The following ACAP2 variants were observed in gnomAD, a reference collection of about 807,000 sequenced individuals.
The protein encoded by ACAP2 is ArfGAP with coiled-coil, ankyrin repeat and PH domains 2.
ACAP2 carries 39 observed loss-of-function variants against 115.8 expected under a neutral mutation model. That is an observed-to-expected ratio of 0.34 (90% CI 0.26 to 0.44). The LOEUF (loss-of-function observed/expected upper bound fraction) is 0.44. Among genes scored for constraint, ACAP2 ranks in the 20% least tolerant of loss-of-function variants. The pLI is 1.00. For synonymous variants in ACAP2, 289 were observed against 315.8 expected (o/e 0.92, Z 0.90); for missense variants, 662 against 927.6 (o/e 0.71, Z 3.72).
intron 1 of ACAP2, 67 bp downstream of exon 1, chr3:195,442,728 C>G: frequency 1.3e-6 from 2 of 1,492,920 alleles, no homozygotes; most frequent in Non-Finnish European, 1.8e-6. Flanking sequence ...GTGCGCGGGC[C>G]CGGCTTTCAC....
At position 195,276,189 on chromosome 3, in the gene ACAP2, T is replaced by C. The variant is rs1461612322; in HGVS notation, c.*3139A>G. The C allele has an allele frequency of 2.0e-5, 3 of 152,672 alleles. No homozygotes were observed. Among genetic ancestry groups the C allele is most frequent in the Non-Finnish European group, 2.9e-5 (2 of 68,026 alleles). The allele number at this position is 152,672 out of a possible 1,614,324, so 9.5% of individuals were successfully genotyped here. A position where few individuals can be genotyped will look rare whatever the true frequency, so the allele number is the denominator to read the frequency against. On this transcript the variant is annotated 3_prime_UTR_variant, in exon 23 of 23. Transcript: ENST00000326793. Reference sequence around the variant, plus strand: ...TGGCCAGATTCTGAATGTGTACTTTTTTTCTTTTTCAAAATGCACTCATGA... The same window carrying C: ...TGGCCAGATTCTGAATGTGTACTTTCTTTCTTTTTCAAAATGCACTCATGA...
In ACAP2 at chr3:195,442,807, G is replaced by T. The variant is rs1363243971; in HGVS notation, c.41C>A (p.Ser14Ter). The change falls in exon 1 of 23, where the codon TCG becomes TAG. Residue 14 changes from serine (S) to a stop codon, truncating the protein, a stop_gained. Transcript: ENST00000326793. LOFTEE classifies it high-confidence loss of function. ...CCGTGCCGGTTACCTGAAGCGGGGC[G>T]AGTCCTTCAGACACTCCTCGAAATC... ...TVDFEECLKD[S>*]PRFRAALEEV... 1 of 1,530,834 alleles carries T rather than the reference G, an allele frequency of 6.5e-7. No individual in the cohort carries two copies. The allele number at this position is 1,530,834 out of a possible 1,614,324, so 94.8% of individuals were successfully genotyped here. A position where few individuals can be genotyped will look rare whatever the true frequency, so the allele number is the denominator to read the frequency against.
rs1577496113 is a variant in ACAP2 at position 195,442,946 on chromosome 3, T to C, written c.-99A>G. On this transcript the variant is annotated 5_prime_UTR_variant, in exon 1 of 23. The change abolishes the stop of an existing upstream ORF in the 5' untranslated region. Transcript: ENST00000326793. ...GCTACGGCGGGCGCACGGCCGCGAC[T>C]AGCGTTGCGCGGAGCTGCGAAGGGC... The C allele has an allele frequency of 6.1e-6, 7 of 1,149,922 alleles. No individual in the cohort carries two copies. The highest frequency in any genetic ancestry group is 8.2e-6 in the Non-Finnish European group (7 of 850,396). 71.2% of individuals were successfully genotyped at this position (1,149,922 alleles called of 1,614,324 possible).
intron 15 of ACAP2, 64 bp from the exon 16 acceptor site, chr3:195,297,345 T>C: frequency 7.1e-7 from 1 of 1,405,078 alleles, no homozygotes; most frequent in South Asian, 1.3e-5. Context: ...AAGCTAAAAT[T>C]TAAAAATCCT....
chr3:195,391,466 TC>T (rs1459716370), intron 2 of ACAP2, among the ~76,000 whole-genome samples: 1 of 151,904 alleles, frequency 6.6e-6, no homozygotes, highest in Non-Finnish European at 1.5e-5. Context: ...CCTCAGGTGA[TC>T]CGCCCATCTC....
At chr3:195,437,941 G>A (rs555169368) in intron 1 of ACAP2, among the ~76,000 whole-genome samples, 17 of 129,976 alleles carry the variant, frequency 1.3e-4, no homozygotes, top group African/African-American at 5.1e-4. Context: ...ATGTTGCCCA[G>A]GCTGGTCTCA....
chr3:195,403,208 C>T (rs1307297788), intron 1 of ACAP2, among the ~76,000 whole-genome samples: 2 of 152,170 alleles, frequency 1.3e-5, no homozygotes, highest in Admixed American at 6.5e-5. Context: ...ATTCCTGGAA[C>T]GTTCAATAGC....
At chr3:195,359,182 AG>A (rs34797635) in intron 4 of ACAP2, among the ~76,000 whole-genome samples, 1 of 152,220 alleles carries the variant, frequency 6.6e-6, no homozygotes, top group Non-Finnish European at 1.5e-5. Flanking sequence ...GAAATGCTAC[AG>A]GGAGGTTCTT....
chr3:195,352,886 G>A (rs1266351393), intron 4 of ACAP2, among the ~76,000 whole-genome samples: 1 of 152,042 alleles, frequency 6.6e-6, no homozygotes, highest in Non-Finnish European at 1.5e-5. Context: ...TTCCAGACCA[G>A]CCTGGCCAAC....
At chr3:195,430,285 G>A (rs1303564053) in intron 1 of ACAP2, among the ~76,000 whole-genome samples, 13 of 152,176 alleles carry the variant, frequency 8.5e-5, no homozygotes, top group Non-Finnish European at 1.6e-4. Flanking sequence ...GATGTTTGAT[G>A]CTATTAATTA....
At chr3:195,334,154 AT>A (rs1730352420) in intron 7 of ACAP2, among the ~76,000 whole-genome samples, 2 of 151,820 alleles carry the variant, frequency 1.3e-5, no homozygotes, top group Non-Finnish European at 2.9e-5. Flanking sequence ...CATCTGTTCA[AT>A]TTTCTGACGT....
Position 195,279,282 on chromosome 3 carries a change from C to A in ACAP2, c.*46G>T. 1 of 1,344,450 alleles carries A rather than the reference C, an allele frequency of 7.4e-7. No homozygotes were observed. The highest frequency in any genetic ancestry group is 1.1e-6 in the Non-Finnish European group (1 of 948,384). 83.3% of individuals were successfully genotyped at this position (1,344,450 alleles called of 1,614,324 possible). Reference sequence around the variant, plus strand: ...AAAATTGTGATTTTTTAGCTGTATACATTAGGGGGTCACCAGATTTCATAT... The same window carrying A: ...AAAATTGTGATTTTTTAGCTGTATAAATTAGGGGGTCACCAGATTTCATAT... On this transcript the variant is annotated 3_prime_UTR_variant, in exon 23 of 23. Coordinates refer to ENST00000326793, the MANE Select transcript of ACAP2 (RefSeq NM_012287.6).
chr3:195,283,051 C>T (rs570505231), intron 22 of ACAP2, among the ~76,000 whole-genome samples: 2 of 152,288 alleles, frequency 1.3e-5, no homozygotes, highest in African/African-American at 4.8e-5. Context: ...TTACTTAGAT[C>T]AGCGATTCCC....
rs1363486045 is a variant in ACAP2, at chr3:195,277,093, G to A, written c.*2235C>T. 6.6e-6 allele frequency: 1 copy of A among 152,160 alleles called. No individual in the cohort carries two copies. Among genetic ancestry groups the A allele is most frequent in the Non-Finnish European group, 1.5e-5 (1 of 68,026 alleles). 9.4% of individuals were successfully genotyped at this position (152,160 alleles called of 1,614,324 possible). ...ATAAGGAATTGCCTTCACAACCACA[G>A]AGATTCCAGAGGTGATCTGAATGAA... On this transcript the variant is annotated 3_prime_UTR_variant, in exon 23 of 23. Coordinates refer to ENST00000326793, the MANE Select transcript of ACAP2 (RefSeq NM_012287.6).
chr3:195,281,684 A>C (rs554397703), intron 22 of ACAP2, among the ~76,000 whole-genome samples: 1 of 152,354 alleles, frequency 6.6e-6, no homozygotes, highest in South Asian at 2.1e-4. Flanking sequence ...AGACAATCCA[A>C]TTATACCCAT....
At chr3:195,400,150 C>T (rs1459808211) in intron 1 of ACAP2, among the ~76,000 whole-genome samples, 2 of 151,592 alleles carry the variant, frequency 1.3e-5, no homozygotes, top group East Asian at 3.9e-4. Context: ...TGCACTCCAG[C>T]CTGGGCAACA....
chr3:195,381,852 G>A (rs757737784), intron 3 of ACAP2, 51 bp downstream of exon 3: 2 of 1,552,354 alleles, frequency 1.3e-6, no homozygotes, highest in South Asian at 2.4e-5. Flanking sequence ...ATTCTTTAAT[G>A]TCTTATTGCT....
At chr3:195,391,262 T>C (rs1734659112) in intron 2 of ACAP2, among the ~76,000 whole-genome samples, 1 of 144,006 alleles carries the variant, frequency 6.9e-6, no homozygotes, top group Non-Finnish European at 1.5e-5. Flanking sequence ...GGAGTTTCAC[T>C]CTTGTTGCCC....
chr3:195,410,455 C>A (rs532700998), intron 1 of ACAP2, among the ~76,000 whole-genome samples: 1 of 152,194 alleles, frequency 6.6e-6, no homozygotes, highest in African/African-American at 2.4e-5. Context: ...TCAAAAGACA[C>A]AGAGTAAAAA....
Sources: gnomAD v4.1 joint callset for allele counts (sites outside exome capture counted in the v4.1 genomes callset) on GRCh38, gnomAD v4.1.1 for gene constraint, MANE v1.5 for transcripts, NCBI Gene and HGNC (gene_info 2026-07-23, HGNC 2026-07-21) for gene names.